OPCML: variants seen among roughly 807,000 people sequenced by gnomAD.
The protein encoded by OPCML is opioid-binding protein/cell adhesion molecule.
In OPCML, 13 loss-of-function variants were observed where a neutral mutation model predicts 37.8. The observed-to-expected ratio is 0.34, with a 90% CI of 0.22 to 0.55. The LOEUF is 0.55. Ranked by LOEUF, OPCML falls within the 20% of genes least tolerant of loss-of-function variation. The pLI is 0.91. For synonymous variants in OPCML, 176 were observed against 168.8 expected, an observed-to-expected ratio of 1.04 and a Z score of -0.33; for missense variants, 341 against 435.6, an observed-to-expected ratio of 0.78 and a Z score of 1.93.
intron 1 of OPCML, among the ~76,000 whole-genome samples, chr11:133,064,216 C>T (rs113564910): frequency 0.042 from 6,461 of 152,200 alleles, 442 homozygotes; most frequent in African/African-American, 0.14. Context: ...ACTAGCCGAC[C>T]CCAGCGCAAC....
chr11:133,362,389 C>CGCCTCCCCTCGGAGGCT (rs1177319455), intron 1 of OPCML, among the ~76,000 whole-genome samples: 2 of 152,168 alleles, frequency 1.3e-5, no homozygotes, highest in Non-Finnish European at 2.9e-5. Flanking sequence ...CTTCCCTTCC[C>CGCCTCCCCTCGGAGGCT]GCCTCCCCTC....
intron 3 of OPCML, among the ~76,000 whole-genome samples, chr11:132,571,845 A>G (rs1047337433): frequency 7.9e-5 from 12 of 152,276 alleles, no homozygotes; most frequent in Non-Finnish European, 1.5e-4. Context: ...AGGAACCTCT[A>G]TATTGTTTTT....
intron 2 of OPCML, among the ~76,000 whole-genome samples, chr11:132,837,410 C>T (rs1274159380): frequency 2.0e-5 from 3 of 152,208 alleles, no homozygotes; most frequent in South Asian, 2.1e-4. Flanking sequence ...ACTTCCTTCA[C>T]TTATCCATGG....
At chr11:132,935,134 C>T (rs1257604276) in intron 2 of OPCML, among the ~76,000 whole-genome samples, 1 of 143,940 alleles carries the variant, frequency 6.9e-6, no homozygotes, top group Non-Finnish European at 1.5e-5. Flanking sequence ...AACAAAATTC[C>T]ATCTCAGAAA....
chr11:132,990,675 T>A (rs904247197), intron 1 of OPCML, among the ~76,000 whole-genome samples: 1 of 152,184 alleles, frequency 6.6e-6, no homozygotes, highest in Non-Finnish European at 1.5e-5. Context: ...ATTGATTGAA[T>A]ACACTTTTTA....
intron 2 of OPCML, among the ~76,000 whole-genome samples, chr11:132,782,947 G>A (rs377608999): frequency 1.3e-3 from 91 of 68,436 alleles, no homozygotes; most frequent in African/African-American, 1.9e-3. Context: ...ATATATATAT[G>A]TATGTATGTA....
intron 1 of OPCML, among the ~76,000 whole-genome samples, chr11:133,034,751 C>CTTTTT (rs5795815): frequency 7.1e-6 from 1 of 141,772 alleles, no homozygotes. Context: ...GTTTTTTTTC[C>CTTTTT]TTTTTTTTTT....
intron 1 of OPCML, among the ~76,000 whole-genome samples, chr11:133,073,668 G>A (rs543063015): frequency 2.6e-5 from 4 of 152,306 alleles, no homozygotes; most frequent in Admixed American, 2.0e-4. Flanking sequence ...CAGTAAATAG[G>A]TAGCAAATGC....
chr11:133,210,191 G>C (rs989129104), intron 1 of OPCML, among the ~76,000 whole-genome samples: 1 of 152,150 alleles, frequency 6.6e-6, no homozygotes, highest in Non-Finnish European at 1.5e-5. Flanking sequence ...ATTTCCAAGC[G>C]TCTGGGGGAT....
At chr11:133,183,749 A>G (rs187092252) in intron 1 of OPCML, among the ~76,000 whole-genome samples, 2 of 152,360 alleles carry the variant, frequency 1.3e-5, no homozygotes, top group East Asian at 1.9e-4. Context: ...TTCAAAATAC[A>G]TGAATACAAG....
At chr11:132,764,929 G>A (rs1204262467) in intron 2 of OPCML, among the ~76,000 whole-genome samples, 1 of 152,212 alleles carries the variant, frequency 6.6e-6, no homozygotes, top group Non-Finnish European at 1.5e-5. Flanking sequence ...GTGCACAGCC[G>A]GCATAGCTCA....
intron 3 of OPCML, among the ~76,000 whole-genome samples, chr11:132,639,244 C>T (rs1940703235): frequency 6.6e-6 from 1 of 152,164 alleles, no homozygotes; most frequent in African/African-American, 2.4e-5. Context: ...GCAGAATTTA[C>T]TAAATGAGAG....
At chr11:133,517,022 C>A (rs1238009292) in intron 1 of OPCML, among the ~76,000 whole-genome samples, 1 of 152,142 alleles carries the variant, frequency 6.6e-6, no homozygotes, top group African/African-American at 2.4e-5. Context: ...CGCGAAGTCC[C>A]AGAGGGAGGC....
chr11:133,168,749 G>A (rs909555869), intron 1 of OPCML, among the ~76,000 whole-genome samples: 52 of 152,058 alleles, frequency 3.4e-4, no homozygotes, highest in East Asian at 3.9e-4. Flanking sequence ...CCCTAATTAC[G>A]GACACTGATG....
chr11:133,501,204 G>C (rs1947905526), intron 1 of OPCML, among the ~76,000 whole-genome samples: 1 of 152,116 alleles, frequency 6.6e-6, no homozygotes, highest in Non-Finnish European at 1.5e-5. Flanking sequence ...CACCCGTCCA[G>C]CTTCTATACG....
At chr11:132,949,047 G>C (rs1228841271) in intron 1 of OPCML, among the ~76,000 whole-genome samples, 1 of 152,198 alleles carries the variant, frequency 6.6e-6, no homozygotes, top group African/African-American at 2.4e-5. Context: ...TTCTCAGGTA[G>C]GAGAAAGAGC....
intron 1 of OPCML, among the ~76,000 whole-genome samples, chr11:133,085,542 G>C (rs950811566): frequency 2.0e-5 from 3 of 152,218 alleles, no homozygotes; most frequent in Admixed American, 1.3e-4. Context: ...CATTTGGCAA[G>C]ACAAACCTTA....
At chr11:133,020,102 G>A in intron 1 of OPCML, among the ~76,000 whole-genome samples, 1 of 152,236 alleles carries the variant, frequency 6.6e-6, no homozygotes, top group East Asian at 1.9e-4. Context: ...GCTCGCCAGA[G>A]CTAATGAGTG....
intron 1 of OPCML, among the ~76,000 whole-genome samples, chr11:133,308,730 A>G (rs974171434): frequency 5.3e-5 from 8 of 152,306 alleles, no homozygotes; most frequent in South Asian, 2.1e-4. Flanking sequence ...CCATTCATCA[A>G]TACAGATAAC....
Sources: allele counts gnomAD v4.1 joint callset (sites outside exome capture counted in the v4.1 genomes callset), GRCh38; gene constraint gnomAD v4.1.1; transcripts MANE v1.5; gene names NCBI Gene and HGNC (gene_info 2026-07-23, HGNC 2026-07-21).